FDFT1: variants seen among roughly 807,000 people sequenced by gnomAD.
FDFT1 encodes squalene synthase.
FDFT1 carries 68 observed loss-of-function variants against 46.8 expected under a neutral mutation model. The observed-to-expected ratio is 1.45, with a 90% CI of 1.19 to 1.78. FDFT1 has a LOEUF of 1.78. FDFT1 is among the 40% of genes most tolerant of loss of function. FDFT1 has a pLI of 0.00. For synonymous variants in FDFT1, 351 were observed against 185.1 expected, an observed-to-expected ratio of 1.90 and a Z score of -7.28; for missense variants, 928 against 524.4, an observed-to-expected ratio of 1.77 and a Z score of -7.52.
At chr8:11,830,536 C>T in intron 6 of FDFT1, 116 bp downstream of exon 6, 1 of 726,640 alleles carries the variant, frequency 1.4e-6, no homozygotes. Flanking sequence ...ACGATGACTC[C>T]AGTTTATTAC....
chr8:11,822,375 A>C (rs1372332051), intron 4 of FDFT1, among the ~76,000 whole-genome samples: 1 of 152,206 alleles, frequency 6.6e-6, no homozygotes, highest in Non-Finnish European at 1.5e-5. Flanking sequence ...ATGCTGCTAC[A>C]TGGTCACTAC....
rs201339661 is a variant in FDFT1 at position 11,830,339 on chromosome 8, A to T, written c.798A>T (p.Ala266=). The T allele has an allele frequency of 1.3e-5, 21 of 1,613,830 alleles. No homozygotes were observed. In the East Asian group the frequency reaches 4.5e-4, roughly 34 times the overall value. Reference sequence around the variant, plus strand: ...GCCTGAATGAACTTATAACCAATGCACTGCACCACATCCCAGATGTCATCA... The same window carrying T: ...GCCTGAATGAACTTATAACCAATGCTCTGCACCACATCCCAGATGTCATCA... The part of the protein sequence containing the change: ...VQCLNELITN[A]LHHIPDVITY... The change falls in exon 6 of 8, where the codon GCA becomes GCT. Residue 266 remains alanine, a synonymous_variant. Coordinates refer to ENST00000220584, the MANE Select transcript of FDFT1 (RefSeq NM_004462.5).
chr8:11,808,374 G>C, intron 1 of FDFT1: 3 of 1,235,150 alleles, frequency 2.4e-6, no homozygotes, highest in Non-Finnish European at 3.0e-6. Flanking sequence ...CCGGGGGCGG[G>C]GCTGCGGGGC....
chr8:11,799,040 G>C (rs1314249302), upstream of FDFT1, among the ~76,000 whole-genome samples: 1 of 152,182 alleles, frequency 6.6e-6, no homozygotes, highest in East Asian at 1.9e-4. Flanking sequence ...GAGGAGCTAC[G>C]AATATTTATG....
intron 7 of FDFT1, among the ~76,000 whole-genome samples, chr8:11,838,170 C>G (rs1042222834): frequency 2.0e-5 from 3 of 152,202 alleles, no homozygotes; most frequent in African/African-American, 7.2e-5. Context: ...CCTGTGCCTC[C>G]TGTTTGCTCA....
intron 3 of FDFT1, among the ~76,000 whole-genome samples, chr8:11,811,883 G>T (rs1481399368): frequency 6.6e-6 from 1 of 152,228 alleles, no homozygotes; most frequent in Non-Finnish European, 1.5e-5. Context: ...CTGTGATTCA[G>T]TTTGAGATGG....
At position 11,808,896 on chromosome 8, in the gene FDFT1, GTGA is replaced by G; in HGVS notation, c.197+8_197+10del. On this transcript the variant is annotated splice_donor_region_variant and intron_variant, in intron 2 of 7. Transcript: ENST00000220584. ...GGCGCTGGATGGGGAAATGCGGTGA[GTGA>G]TGGAGGCAGCGCCTCTGGCTTGGAG... is the stretch of plus-strand genomic sequence containing the variant. 6.2e-7 allele frequency: 1 copy of G among 1,612,956 alleles called. No individual in the cohort carries two copies. Among genetic ancestry groups the G allele is most frequent in the Non-Finnish European group, 8.5e-7 (1 of 1,179,572 alleles).
In FDFT1 at chr8:11,802,842, G is replaced by A; in HGVS notation, c.10G>A (p.Val4Met). 10 of 1,610,374 alleles carry A rather than the reference G, an allele frequency of 6.2e-6. No homozygotes were observed. The highest frequency in any genetic ancestry group is 4.4e-5 in the South Asian group (4 of 90,240). Residue 4 changes from valine (V) to methionine (M), a missense_variant, in exon 1 of 8, where the codon GTG becomes ATG. Val to Met is a conservative substitution (Grantham distance 21, BLOSUM62 1). Coordinates refer to ENST00000220584, the MANE Select transcript of FDFT1 (RefSeq NM_004462.5). ...CGCCGCCTGCGCCAGGATGGAGTTC[G>A]TGAAATGCCTTGGCCACCCCGAAGA... MEFVKCLGHPEEFY... is the reference protein window; with the variant it reads MEFMKCLGHPEEFY...
At chr8:11,837,251 G>C (rs1351652490) in intron 7 of FDFT1, among the ~76,000 whole-genome samples, 1 of 152,208 alleles carries the variant, frequency 6.6e-6, no homozygotes, top group East Asian at 1.9e-4. Flanking sequence ...TGTTTTTTGA[G>C]ACAGGGTCTT....
intron 3 of FDFT1, among the ~76,000 whole-genome samples, chr8:11,814,169 A>G (rs531731638): frequency 6.6e-6 from 1 of 152,334 alleles, no homozygotes; most frequent in South Asian, 2.1e-4. Context: ...CAGGGATTCT[A>G]ATAACCTCTT....
At chr8:11,830,162 T>C (rs1810573275) in intron 5 of FDFT1, 82 bp from the exon 6 acceptor site, 3 of 1,156,434 alleles carry the variant, frequency 2.6e-6, no homozygotes, top group Non-Finnish European at 3.9e-6. Context: ...ATAGTTCTTA[T>C]GCACAAAGAC....
intron 1 of FDFT1, among the ~76,000 whole-genome samples, chr8:11,805,200 G>A (rs1389225553): frequency 6.6e-6 from 1 of 152,196 alleles, no homozygotes; most frequent in East Asian, 1.9e-4. Context: ...ACAGGTGTGA[G>A]CCACTGCACC....
At chr8:11,821,490 C>G (rs1231559866) in intron 3 of FDFT1, among the ~76,000 whole-genome samples, 1 of 152,156 alleles carries the variant, frequency 6.6e-6, no homozygotes, top group African/African-American at 2.4e-5. Flanking sequence ...CCTGGAGAGG[C>G]TGAGGCAGGA....
intron 1 of FDFT1, among the ~76,000 whole-genome samples, chr8:11,796,269 TGTG>T (rs1170270193): frequency 2.0e-5 from 3 of 152,182 alleles, no homozygotes; most frequent in Admixed American, 6.5e-5. Context: ...CTGGACTGTT[TGTG>T]TTCTGAGCTT....
intron 7 of FDFT1, among the ~76,000 whole-genome samples, chr8:11,835,483 C>T (rs1042398349): frequency 2.0e-5 from 3 of 152,194 alleles, no homozygotes; most frequent in South Asian, 2.1e-4. Context: ...GGGACTGTCA[C>T]AACCAAGATT....
chr8:11,830,185 T>C (rs1810576137), intron 5 of FDFT1, 59 bp from the exon 6 acceptor site: 3 of 1,342,496 alleles, frequency 2.2e-6, no homozygotes, highest in Admixed American at 1.7e-5. Context: ...TTTAATATTG[T>C]TTGTAAATTC....
intron 1 of FDFT1, chr8:11,803,529 G>C (rs1806417385): frequency 8.4e-7 from 1 of 1,192,350 alleles, no homozygotes; most frequent in African/African-American, 1.6e-5. Flanking sequence ...GTCAGAACTT[G>C]GTTTTACTTA....
At chr8:11,832,204 T>C (rs1056225597) in intron 7 of FDFT1, among the ~76,000 whole-genome samples, 3 of 152,016 alleles carry the variant, frequency 2.0e-5, no homozygotes, top group African/African-American at 7.3e-5. Flanking sequence ...AAAACCATCC[T>C]ATAAAAAGAA....
At chr8:11,835,300 G>A (rs1322790295) in intron 7 of FDFT1, among the ~76,000 whole-genome samples, 1 of 152,166 alleles carries the variant, frequency 6.6e-6, no homozygotes, top group Non-Finnish European at 1.5e-5. Context: ...GGAGAGTGGG[G>A]TTTGGTCTAG....
Sources: allele counts gnomAD v4.1 joint callset (sites outside exome capture counted in the v4.1 genomes callset), GRCh38; gene constraint gnomAD v4.1.1; transcripts MANE v1.5; gene names NCBI Gene and HGNC (gene_info 2026-07-23, HGNC 2026-07-21).